Variants in ARHGEF6 observed in about 807,000 individuals in gnomAD.
ARHGEF6 encodes the protein rho guanine nucleotide exchange factor 6.
Under a neutral mutation model 70.3 loss-of-function variants are expected in ARHGEF6, and 9 were observed. The observed-to-expected ratio is 0.13, with a 90% CI of 0.08 to 0.22. ARHGEF6 has a LOEUF of 0.22. Among genes scored for constraint, ARHGEF6 ranks in the 10% least tolerant of loss-of-function variants. The pLI is 1.00. For synonymous variants in ARHGEF6, 201 were observed against 207.8 expected (o/e 0.97, Z 0.28); for missense variants, 470 against 563.0 (o/e 0.83, Z 1.67).
At chrX:136,707,303 C>T (rs745943563) in intron 8 of ARHGEF6, among the ~76,000 whole-genome samples, 35 of 111,981 alleles carry the variant, frequency 3.1e-4, no homozygotes, top group African/African-American at 1.1e-3. Context: ...TGATTATTTT[C>T]AAATTTAGCT....
At chrX:136,754,345 G>T (rs2077182586) in intron 2 of ARHGEF6, among the ~76,000 whole-genome samples, 1 of 110,864 alleles carries the variant, frequency 9.0e-6, no homozygotes, top group African/African-American at 3.3e-5. Flanking sequence ...CAGCACCTTG[G>T]GAGGCCGAGG....
intron 9 of ARHGEF6, among the ~76,000 whole-genome samples, chrX:136,704,060 G>A (rs1477597366): frequency 8.9e-6 from 1 of 112,379 alleles, no homozygotes; most frequent in Non-Finnish European, 1.9e-5. Context: ...ATAAAGAACT[G>A]TTGCAACTCA....
chrX:136,723,707 C>A (rs1040876055), intron 6 of ARHGEF6, among the ~76,000 whole-genome samples: 2 of 110,829 alleles, frequency 1.8e-5, no homozygotes, highest in African/African-American at 6.6e-5. Context: ...GCAGATCACT[C>A]GAGGCCAGGA....
intron 7 of ARHGEF6, among the ~76,000 whole-genome samples, chrX:136,712,181 T>C (rs1233649083): frequency 9.0e-6 from 1 of 111,105 alleles, no homozygotes; most frequent in Non-Finnish European, 1.9e-5. Flanking sequence ...TGATTTTGGC[T>C]CACTGCAGCC....
At position 136,679,646 on chromosome X, in the gene ARHGEF6, G is replaced by A. The variant is rs148319648; in HGVS notation, c.1719C>T (p.Thr573=). The part of the protein sequence containing the change: ...SCSAHSSFSS[T]GQPRGPLEPP... ...GCTCCAAGGGTCCTCGGGGCTGTCC[G>A]GTAGAGCTAAAAGACTGGGAAAATG... Residue 573 remains threonine (T), a synonymous_variant, in exon 16 of 22, where the codon ACC becomes ACT. Coordinates refer to ENST00000250617, the MANE Select transcript of ARHGEF6 (RefSeq NM_004840.3). 199 of 1,209,943 alleles carry A rather than the reference G, an allele frequency of 1.6e-4. No homozygotes were observed. The African/African-American group carries it at 2.1e-3, about 13-fold the overall frequency.
Position 136,745,150 on chromosome X carries a change from T to C in ARHGEF6, c.459+73A>G, listed in dbSNP as rs138008910. ...ACCCGGATGGCTGTCTCACCACATA[T>C]GGAGATGCAACTAGGATATCAATCT... On this transcript the variant is annotated intron_variant, in intron 4 of 21. Transcript: ENST00000250617. The C allele has an allele frequency of 1.9e-4, 216 of 1,160,931 alleles. 1 individual carries two copies. The African/African-American group carries it at 3.4e-3, about 18-fold the overall frequency.
In ARHGEF6 at chrX:136,686,629, T is replaced by TACAC. The variant is rs1276060160; in HGVS notation, c.1246-807_1246-806insGTGT. Among the ~76,000 whole-genome samples the TACAC allele has an allele frequency of 3.1e-3, 230 of 74,084 alleles. 1 individual carries two copies. The highest frequency in any genetic ancestry group is 6.7e-3 in the African/African-American group (87 of 13,053). 64.3% of individuals were successfully genotyped at this position (74,084 alleles called of 115,157 possible). On this transcript the variant is annotated intron_variant, in intron 11 of 21. Transcript: ENST00000250617. ...ATATATATATATATATATACACATATATATATATATATACACACATATATA... is the reference window on the plus strand; with the variant it reads ...ATATATATATATATATATACACATATACACATATATATATATACACACATATATA...
In ARHGEF6 at chrX:136,700,921, T is replaced by G. The variant is rs182938291; in HGVS notation, c.1046+5987A>C. Among the ~76,000 whole-genome samples, 87 of 111,189 alleles carry G rather than the reference T, an allele frequency of 7.8e-4. 1 individual carries two copies. Among genetic ancestry groups the G allele is most frequent in the African/African-American group, 2.8e-3 (85 of 30,587 alleles). On this transcript the variant is annotated intron_variant, in intron 9 of 21. Coordinates refer to ENST00000250617, the MANE Select transcript of ARHGEF6 (RefSeq NM_004840.3). ...TAAAAGATGGGTAATGTAAGCAGAG[T>G]GATAGAAACACTAAGAAATGATCAA...
intron 6 of ARHGEF6, among the ~76,000 whole-genome samples, chrX:136,727,948 TTACAC>T (rs1206934087): frequency 9.0e-6 from 1 of 111,103 alleles, no homozygotes; most frequent in Non-Finnish European, 1.9e-5. Context: ...ACCATGTGGC[TTACAC>T]TATCATGTTT....
At chrX:136,701,949 C>T (rs1047511603) in intron 9 of ARHGEF6, among the ~76,000 whole-genome samples, 6 of 110,537 alleles carry the variant, frequency 5.4e-5, no homozygotes, top group South Asian at 7.7e-4. Context: ...CCTCGTGATC[C>T]GCCCACCTCG....
chrX:136,731,323 C>T (rs1045948443), intron 6 of ARHGEF6, among the ~76,000 whole-genome samples: 6 of 111,573 alleles, frequency 5.4e-5, no homozygotes, highest in Non-Finnish European at 9.4e-5. Flanking sequence ...GCAAGACAAA[C>T]GCACATAGAA....
At chrX:136,719,755 A>AT (rs1185524934) in intron 6 of ARHGEF6, among the ~76,000 whole-genome samples, 1 of 111,942 alleles carries the variant, frequency 8.9e-6, no homozygotes, top group Non-Finnish European at 1.9e-5. Context: ...GATGAACTTC[A>AT]TTGAAAAAAA....
intron 4 of ARHGEF6, among the ~76,000 whole-genome samples, chrX:136,744,841 A>AT (rs2077079090): frequency 8.9e-6 from 1 of 112,440 alleles, no homozygotes; most frequent in African/African-American, 3.2e-5. Context: ...AATAATGAGG[A>AT]TACTAATCAA....
rs776638769 is a variant in ARHGEF6 at position 136,743,784 on chromosome X, C to T, written c.462G>A (p.Glu154=). Residue 154 remains glutamate (E), a splice_region_variant and synonymous_variant, in exon 5 of 22, where the codon GAG becomes GAA. Coordinates refer to ENST00000250617, the MANE Select transcript of ARHGEF6 (RefSeq NM_004840.3). ...ACTGATGACTTCCATTTTCCGTCAT[C>T]TCCTAGAGAAACAAAAGCCACACCA... ...SGLQRQSKTV[E]MTENGSHQLI... The T allele has an allele frequency of 2.5e-6, 3 of 1,210,167 alleles. No homozygotes were observed. The highest frequency in any genetic ancestry group is 3.4e-6 in the Non-Finnish European group (3 of 894,156).
rs140314309 is a variant in ARHGEF6, at chrX:136,682,728, T to A, written c.1479+30A>T. On this transcript the variant is annotated intron_variant, in intron 13 of 21. Coordinates refer to ENST00000250617, the MANE Select transcript of ARHGEF6 (RefSeq NM_004840.3). ...GGAAACCTGTTTTCGTTAGGGGGTC[T>A]GCTATGTGTTTTATATGAAATTTAC... The A allele has an allele frequency of 1.1e-5, 12 of 1,136,662 alleles. No homozygotes were observed. In the East Asian group the frequency reaches 3.6e-4, roughly 34 times the overall value. The allele number at this position is 1,136,662 out of a possible 1,213,427, so 93.7% of individuals were successfully genotyped here. A position where few individuals can be genotyped will look rare whatever the true frequency, so the allele number is the denominator to read the frequency against.
intron 6 of ARHGEF6, among the ~76,000 whole-genome samples, chrX:136,731,312 C>T (rs1196842235): frequency 4.5e-5 from 5 of 111,607 alleles, no homozygotes; most frequent in African/African-American, 1.3e-4. Context: ...GAGATGAGTA[C>T]GCAAGACAAA....
intron 5 of ARHGEF6, 59 bp from the exon 6 acceptor site, chrX:136,732,231 T>G: frequency 1.1e-6 from 1 of 891,090 alleles, no homozygotes; most frequent in Non-Finnish European, 1.6e-6. Flanking sequence ...GAACATTTTA[T>G]AACATGGGTC....
intron 5 of ARHGEF6, among the ~76,000 whole-genome samples, chrX:136,733,853 T>C (rs749761434): frequency 3.0e-4 from 33 of 111,712 alleles, no homozygotes; most frequent in South Asian, 7.5e-4. Flanking sequence ...ACCAATATGA[T>C]ACCCAGAGAT....
chrX:136,771,368 G>A (rs2148685600), intron 2 of ARHGEF6, among the ~76,000 whole-genome samples: 1 of 112,251 alleles, frequency 8.9e-6, no homozygotes, highest in South Asian at 3.6e-4. Flanking sequence ...ATATGGACAT[G>A]CGAGGGATCC....
Sources: gnomAD v4.1 joint callset for allele counts (sites outside exome capture counted in the v4.1 genomes callset) on GRCh38, gnomAD v4.1.1 for gene constraint, MANE v1.5 for transcripts, NCBI Gene and HGNC (gene_info 2026-07-23, HGNC 2026-07-21) for gene names.